The following RAG1 variants were observed in gnomAD, a reference collection of about 807,000 sequenced individuals.
RAG1 encodes the protein V(D)J recombination-activating protein 1.
In RAG1, 35 loss-of-function variants were observed where a neutral mutation model predicts 62.7. The ratio of observed to expected loss-of-function variants is 0.56; its 90% CI spans 0.43 to 0.74. The LOEUF (loss-of-function observed/expected upper bound fraction) is 0.74, where lower values mean the gene tolerates loss of function less well. Ranked by LOEUF, RAG1 falls within the 30% of genes least tolerant of loss-of-function variation. RAG1 has a pLI of 0.00. For missense variants in RAG1, 1,169 were observed against 1,278.6 expected (o/e 0.91, Z 1.31); for synonymous variants, 461 against 470.3 (o/e 0.98, Z 0.26).
At chr11:36,537,747 A>G (rs1480777776), downstream of RAG1, among the ~76,000 whole-genome samples, 1 of 152,180 alleles carries the variant, frequency 6.6e-6, no homozygotes, top group Non-Finnish European at 1.5e-5. Context: ...CTTTAATTAC[A>G]TCTTGAATAA....
chr11:36,536,934 A>G (rs976900855), downstream of RAG1, among the ~76,000 whole-genome samples: 2 of 146,756 alleles, frequency 1.4e-5, no homozygotes, highest in Non-Finnish European at 3.0e-5. Flanking sequence ...AATTTTTTGT[A>G]TTTTTAGTAG....
At chr11:36,558,709 T>G (rs548287417) in intron 3 of RAG1, among the ~76,000 whole-genome samples, 11 of 152,332 alleles carry the variant, frequency 7.2e-5, no homozygotes, top group Admixed American at 2.0e-4. Flanking sequence ...GTCCTGTTTG[T>G]TTTTGTCCAT....
At chr11:36,551,145 T>C in intron 3 of RAG1, among the ~76,000 whole-genome samples, 1 of 152,308 alleles carries the variant, frequency 6.6e-6, no homozygotes, top group Middle Eastern at 3.4e-3. Context: ...AGTTGGATGA[T>C]TAAAAAGTGC....
chr11:36,513,857 C>T (rs546627244), intron 1 of RAG1, among the ~76,000 whole-genome samples: 152 of 152,330 alleles, frequency 1.0e-3, no homozygotes, highest in African/African-American at 3.0e-3. Context: ...CCCTGTGATT[C>T]AGTTATCTCC....
upstream of RAG1, chr11:36,563,568 G>A (rs1353458639): frequency 6.6e-6 from 1 of 151,614 alleles, no homozygotes; most frequent in Non-Finnish European, 1.5e-5. Flanking sequence ...ATCAGAAAAT[G>A]ATGCTCCTTT....
rs766201260 is a variant in RAG1, at chr11:36,576,290, TTG to T, written c.2988_2989del (p.Tyr997HisfsTer13). Reference protein sequence around the residue: ...EMEDVLKHHWLYTSKYLQKFM... With the variant: ...EMEDVLKHHWXYTSKYLQKFM... ...GGAAGATGTCCTGAAACACCACTGG[TTG>T]TACACCTCCAAATACCTCCAGAAGT... On this transcript the variant is annotated frameshift_variant, in exon 2 of 2. Transcript: ENST00000299440. LOFTEE classifies it high-confidence loss of function. The T allele has an allele frequency of 2.5e-6, 4 of 1,614,048 alleles. No homozygotes were observed. The highest frequency in any genetic ancestry group is 8.5e-7 in the Non-Finnish European group (1 of 1,180,034).
chr11:36,521,365 G>C (rs974647051), intron 2 of RAG1, among the ~76,000 whole-genome samples: 3 of 152,132 alleles, frequency 2.0e-5, no homozygotes, highest in Non-Finnish European at 4.4e-5. Flanking sequence ...TCTCATGATA[G>C]TGAATGAGTC....
intron 1 of RAG1, among the ~76,000 whole-genome samples, chr11:36,571,572 T>C (rs1158786949): frequency 6.6e-6 from 1 of 152,226 alleles, no homozygotes; most frequent in Non-Finnish European, 1.5e-5. Flanking sequence ...GATTTCTCTG[T>C]GAATCAAGTC....
chr11:36,539,328 C>T (rs865862878), downstream of RAG1, among the ~76,000 whole-genome samples: 4 of 152,308 alleles, frequency 2.6e-5, no homozygotes, highest in Middle Eastern at 3.4e-3. Context: ...CTTTGTCTTC[C>T]AGCCTCTGGA....
intron 3 of RAG1, among the ~76,000 whole-genome samples, chr11:36,542,485 T>C (rs1230113460): frequency 6.6e-6 from 1 of 152,240 alleles, no homozygotes; most frequent in Non-Finnish European, 1.5e-5. Flanking sequence ...GACAGTGAAC[T>C]AGTGGCATCT....
chr11:36,512,247 T>C (rs1859936551), intron 1 of RAG1, among the ~76,000 whole-genome samples: 1 of 152,196 alleles, frequency 6.6e-6, no homozygotes, highest in Admixed American at 6.5e-5. Context: ...TTTATTTTCA[T>C]TGCAAGACTG....
chr11:36,534,202 C>A (rs1170862568), intron 2 of RAG1, among the ~76,000 whole-genome samples: 2 of 152,078 alleles, frequency 1.3e-5, no homozygotes, highest in African/African-American at 4.8e-5. Flanking sequence ...AAATTATAGT[C>A]TTAGAAATTT....
chr11:36,528,659 A>C (rs1374652870), intron 2 of RAG1, among the ~76,000 whole-genome samples: 1 of 152,200 alleles, frequency 6.6e-6, no homozygotes, highest in Non-Finnish European at 1.5e-5. Flanking sequence ...AGCAGAACTC[A>C]AGGAGATAGA....
At chr11:36,557,476 C>T (rs1056764771) in intron 3 of RAG1, among the ~76,000 whole-genome samples, 33 of 147,508 alleles carry the variant, frequency 2.2e-4, no homozygotes, top group African/African-American at 7.3e-4. Flanking sequence ...GGCTCGCGCA[C>T]GGTGCGCGCA....
At chr11:36,573,258 G>C (rs748725806) in intron 1 of RAG1, 33 bp from the exon 2 acceptor site, 5 of 1,606,804 alleles carry the variant, frequency 3.1e-6, no homozygotes, top group Non-Finnish European at 4.3e-6. Flanking sequence ...TATTGATATT[G>C]GTCTTAATAT....
At chr11:36,515,058 A>G (rs1859977847) in intron 1 of RAG1, among the ~76,000 whole-genome samples, 1 of 152,174 alleles carries the variant, frequency 6.6e-6, no homozygotes, top group Admixed American at 6.5e-5. Context: ...TCCTGAGGGG[A>G]CACAAAACTT....
chr11:36,523,734 A>AT (rs1254407883), intron 2 of RAG1, among the ~76,000 whole-genome samples: 6 of 152,138 alleles, frequency 3.9e-5, no homozygotes, highest in Admixed American at 1.3e-4. Context: ...CCATTGCATA[A>AT]TTTTTTTAAA....
chr11:36,578,841 C>T lies in RAG1; in HGVS notation c.*2405C>T, dbSNP rs574466948. ...TGCCTATTGCAAGTGCAATTATATA[C>T]TCCAGGGAAATTCACCACACTGAAT... On this transcript the variant is annotated 3_prime_UTR_variant, in exon 2 of 2. Transcript: ENST00000299440. 6.0e-6 allele frequency: 1 copy of T among 167,190 alleles called. No homozygotes were observed. Among genetic ancestry groups the T allele is most frequent in the East Asian group, 1.9e-4 (1 of 5,186 alleles). The allele number at this position is 167,190 out of a possible 1,614,324, so 10.4% of individuals were successfully genotyped here.
At chr11:36,532,157 G>A (rs1041211970) in intron 2 of RAG1, among the ~76,000 whole-genome samples, 5 of 151,252 alleles carry the variant, frequency 3.3e-5, no homozygotes, top group Non-Finnish European at 5.9e-5. Context: ...ATATTATTTT[G>A]AATAGAAAAT....
Sources: gnomAD v4.1 joint callset for allele counts (sites outside exome capture counted in the v4.1 genomes callset) on GRCh38, gnomAD v4.1.1 for gene constraint, MANE v1.5 for transcripts, NCBI Gene and HGNC (gene_info 2026-07-23, HGNC 2026-07-21) for gene names.